Variants in DEPDC5 observed in about 807,000 individuals in gnomAD.
DEPDC5 encodes GATOR1 complex protein DEPDC5.
In DEPDC5, 73 loss-of-function variants were observed where a neutral mutation model predicts 217.3. The ratio of observed to expected loss-of-function variants is 0.34; its 90% CI spans 0.28 to 0.41. DEPDC5 has a LOEUF of 0.41. Among genes scored for constraint, DEPDC5 ranks in the 10% least tolerant of loss-of-function variants. The pLI, the probability that DEPDC5 is intolerant of heterozygous loss-of-function variation, is 1.00. For missense variants in DEPDC5, 1,675 were observed against 2,070.1 expected (o/e 0.81, Z 3.70); for synonymous variants, 733 against 756.7 (o/e 0.97, Z 0.51).
chr22:31,754,905 G>C lies in DEPDC5; in HGVS notation c.-17G>C, dbSNP rs1178879168. ...CTGCCCCAAGCTTGGAACAGCTAAA[G>C]GGAAAAACAGTGCAAGATGAGAACA... is the stretch of plus-strand genomic sequence containing the variant. On this transcript the variant is annotated 5_prime_UTR_variant, in exon 2 of 43. Transcript: ENST00000651528. 3 of 1,614,028 alleles carry C rather than the reference G, an allele frequency of 1.9e-6. No individual in the cohort carries two copies. The highest frequency in any genetic ancestry group is 2.5e-6 in the Non-Finnish European group (3 of 1,180,006).
intron 41 of DEPDC5, among the ~76,000 whole-genome samples, chr22:31,903,946 T>A (rs1405203278): frequency 1.3e-5 from 2 of 152,094 alleles, no homozygotes; most frequent in African/African-American, 4.8e-5. Context: ...AGTAGTTTCA[T>A]ATGTAGCTTT....
intron 32 of DEPDC5, among the ~76,000 whole-genome samples, chr22:31,860,746 C>A (rs1239221183): frequency 1.3e-5 from 2 of 151,762 alleles, no homozygotes. Flanking sequence ...TCTGTATCCC[C>A]TGTTTGCTAA....
In DEPDC5 at chr22:31,906,117, G is replaced by A; in HGVS notation, c.4519+51G>A. ...CAGGTGGGTCCACATCCCTTTCCTTGCACCAAGCCTATGGCTGCAGAACCA... is the reference window on the plus strand; with the variant it reads ...CAGGTGGGTCCACATCCCTTTCCTTACACCAAGCCTATGGCTGCAGAACCA... On this transcript the variant is annotated intron_variant, in intron 42 of 42. Coordinates refer to ENST00000651528, the MANE Select transcript of DEPDC5 (RefSeq NM_001242896.3). The surrounding 1 kb of genome is among the most constrained non-coding windows in gnomAD (Gnocchi z 5.1). 1 of 1,613,532 alleles carries A rather than the reference G, an allele frequency of 6.2e-7. No homozygotes were observed. The highest frequency in any genetic ancestry group is 2.2e-5 in the East Asian group (1 of 44,870).
rs1297490328 is a variant in DEPDC5, at chr22:31,822,791, G to T, written c.2104+1G>T. 6.2e-7 allele frequency: 1 copy of T among 1,613,704 alleles called. No homozygotes were observed. Among genetic ancestry groups the T allele is most frequent in the East Asian group, 2.2e-5 (1 of 44,884 alleles). On this transcript the variant is annotated splice_donor_variant, in intron 24 of 42. Transcript: ENST00000651528. LOFTEE classifies it high-confidence loss of function. ...GGCCTGCTTAGCAACAGTGGTGCAG[G>T]TAACCAATCCAAGAGGTAATAGAGT...
chr22:31,827,033 A>G (rs2090207388), intron 24 of DEPDC5, among the ~76,000 whole-genome samples: 1 of 151,938 alleles, frequency 6.6e-6, no homozygotes, highest in South Asian at 2.1e-4. Flanking sequence ...AGTTGGGACT[A>G]CAGGCACATA....
rs935958357 is a variant in DEPDC5, at chr22:31,761,513, TA to T, written c.193+821del. Among the ~76,000 whole-genome samples, 842 of 148,074 alleles carry T rather than the reference TA, an allele frequency of 5.7e-3. 1 individual carries two copies. Among genetic ancestry groups the T allele is most frequent in the Non-Finnish European group, 9.3e-3 (620 of 66,698 alleles). ...TCTTCTTATCAAACTATGTTGCCAC[TA>T]AAAAAAAAATTGTAAAGTGACGCTT... On this transcript the variant is annotated intron_variant, in intron 4 of 42. Coordinates refer to ENST00000651528, the MANE Select transcript of DEPDC5 (RefSeq NM_001242896.3).
intron 17 of DEPDC5, among the ~76,000 whole-genome samples, chr22:31,805,673 G>A (rs918858259): frequency 4.6e-5 from 7 of 152,016 alleles, no homozygotes; most frequent in Admixed American, 1.3e-4. Context: ...GCTAATTTTT[G>A]TATTTTTAGT....
chr22:31,815,875 A>G (rs2089041688), intron 21 of DEPDC5: 1 of 1,084,996 alleles, frequency 9.2e-7, no homozygotes, highest in African/African-American at 1.7e-5. Flanking sequence ...TTCATCCATC[A>G]TTTAACTGTA....
chr22:31,904,067 G>A (rs147476932), intron 41 of DEPDC5, among the ~76,000 whole-genome samples: 334 of 152,038 alleles, frequency 2.2e-3, no homozygotes, highest in Non-Finnish European at 4.1e-3. Flanking sequence ...TCAGCCCCTA[G>A]GCTGTGACCT....
At chr22:31,785,587 CTT>C (rs138287) in intron 10 of DEPDC5, among the ~76,000 whole-genome samples, 53 of 144,536 alleles carry the variant, frequency 3.7e-4, no homozygotes, top group Non-Finnish European at 4.5e-4. Context: ...ATACCAGTGC[CTT>C]TTTTTTTTTT....
At chr22:31,880,820 C>A (rs571114685) in intron 38 of DEPDC5, among the ~76,000 whole-genome samples, 2 of 150,886 alleles carry the variant, frequency 1.3e-5, no homozygotes, top group South Asian at 2.1e-4. Flanking sequence ...GTCGGGAGAT[C>A]GAGACCATCC....
At chr22:31,797,992 A>G (rs1251351637) in intron 13 of DEPDC5, among the ~76,000 whole-genome samples, 1 of 150,222 alleles carries the variant, frequency 6.7e-6, no homozygotes, top group East Asian at 2.0e-4. Context: ...TGGAGCAATT[A>G]TACTGTAACT....
At chr22:31,807,533 G>A (rs2087701128) in intron 18 of DEPDC5, among the ~76,000 whole-genome samples, 1 of 152,096 alleles carries the variant, frequency 6.6e-6, no homozygotes, top group Admixed American at 6.6e-5. Flanking sequence ...CCAGGTTCAA[G>A]CAATTCCTGT....
At chr22:31,818,961 C>T in intron 21 of DEPDC5, 61 bp from the exon 22 acceptor site, 1 of 1,565,210 alleles carries the variant, frequency 6.4e-7, no homozygotes. Context: ...TTCTACCTAG[C>T]TCTGGTTTCA....
chr22:31,801,247 G>A (rs1027973817), intron 14 of DEPDC5, among the ~76,000 whole-genome samples: 2 of 152,148 alleles, frequency 1.3e-5, no homozygotes, highest in Non-Finnish European at 2.9e-5. Flanking sequence ...AGTGAGCTGA[G>A]ATTGTGCCAC....
In DEPDC5 at chr22:31,797,666, C is replaced by T. The variant is rs1364125679; in HGVS notation, c.834C>T (p.Phe278=). Residue 278 remains phenylalanine, a synonymous_variant, in exon 13 of 43, where the codon TTC becomes TTT. Transcript: ENST00000651528. ...TTCTCGTAACCATTAAAAAACTCTT[C>T]ATCCAGTATCCAGTGTTGGTGCGAC... ...TSLLVTIKKL[F]IQYPVLVRLE... is the part of the protein sequence containing the mutation. 1 of 1,614,102 alleles carries T rather than the reference C, an allele frequency of 6.2e-7. No individual in the cohort carries two copies. The highest frequency in any genetic ancestry group is 1.1e-5 in the South Asian group (1 of 91,080).
intron 39 of DEPDC5, 196 bp downstream of exon 39, chr22:31,893,947 T>A: frequency 1.7e-6 from 1 of 574,596 alleles, no homozygotes; most frequent in East Asian, 3.7e-5. Flanking sequence ...AGAATCAGGG[T>A]TTCTTAGCCT....
At chr22:31,781,806 G>T (rs2084475385) in intron 8 of DEPDC5, among the ~76,000 whole-genome samples, 1 of 152,152 alleles carries the variant, frequency 6.6e-6, no homozygotes, top group Non-Finnish European at 1.5e-5. Context: ...GGCCGAGGTG[G>T]GGGGGATTGC....
chr22:31,845,153 G>A lies in DEPDC5; in HGVS notation c.2937G>A (p.Glu979=). 1.2e-6 allele frequency: 2 copies of A among 1,614,198 alleles called. No individual in the cohort carries two copies. The highest frequency in any genetic ancestry group is 8.5e-7 in the Non-Finnish European group (1 of 1,180,022). ...ACAGGCCCCGTGCAGACGAGGACGA[G>A]TGGCAACTCCTGGATGGTTTTGTCC... The part of the protein sequence containing the change: ...YGDRPRADED[E]WQLLDGFVRF... Residue 979 remains glutamate, a synonymous_variant, in exon 30 of 43, where the codon GAG becomes GAA. Coordinates refer to ENST00000651528, the MANE Select transcript of DEPDC5 (RefSeq NM_001242896.3).
Sources: allele counts gnomAD v4.1 joint callset (sites outside exome capture counted in the v4.1 genomes callset), GRCh38; gene constraint gnomAD v4.1.1; non-coding constraint Gnocchi (gnomAD v3.1); transcripts MANE v1.5; gene names NCBI Gene and HGNC (gene_info 2026-07-23, HGNC 2026-07-21).